MYO1E: variants seen among roughly 807,000 people sequenced by gnomAD.
The protein encoded by MYO1E is unconventional myosin-Ie.
Under a neutral mutation model 151.1 loss-of-function variants are expected in MYO1E, and 68 were observed. The ratio of observed to expected loss-of-function variants is 0.45; its 90% CI spans 0.37 to 0.55. The LOEUF is 0.55. Ranked by LOEUF, MYO1E falls within the 20% of genes least tolerant of loss-of-function variation. The pLI, the probability that MYO1E is intolerant of heterozygous loss-of-function variation, is 0.00. For synonymous variants in MYO1E, 601 were observed against 501.7 expected (o/e 1.20, Z -2.64); for missense variants, 1,363 against 1,389.3 (o/e 0.98, Z 0.30).
At chr15:59,174,261 A>T in intron 19 of MYO1E, 21 bp from the exon 20 acceptor site, 1 of 1,553,234 alleles carries the variant, frequency 6.4e-7, no homozygotes. Context: ...AGAGAAGACA[A>T]ATGTGAGCCA....
At chr15:59,249,051 T>G (rs879839689) in intron 4 of MYO1E, among the ~76,000 whole-genome samples, 2 of 152,158 alleles carry the variant, frequency 1.3e-5, no homozygotes, top group African/African-American at 2.4e-5. Flanking sequence ...CAAATCAAGT[T>G]TGTAGATGGA....
At chr15:59,240,727 C>T (rs1182199806) in intron 4 of MYO1E, among the ~76,000 whole-genome samples, 1 of 152,246 alleles carries the variant, frequency 6.6e-6, no homozygotes, top group African/African-American at 2.4e-5. Flanking sequence ...CTCTGTACCA[C>T]AGGAACTGGT....
intron 1 of MYO1E, among the ~76,000 whole-genome samples, chr15:59,273,851 C>T (rs1002570374): frequency 5.3e-5 from 8 of 152,066 alleles, no homozygotes; most frequent in African/African-American, 1.7e-4. Context: ...GGGTGAGACT[C>T]GCCCCTGCCC....
chr15:59,178,885 TA>T (rs1452881435), intron 18 of MYO1E, among the ~76,000 whole-genome samples: 1 of 152,162 alleles, frequency 6.6e-6, no homozygotes, highest in Non-Finnish European at 1.5e-5. Context: ...CTTGTCTCAA[TA>T]ATCATCTCCC....
At chr15:59,137,539 A>C in intron 27 of MYO1E, 83 bp from the exon 28 acceptor site, 14 of 1,126,622 alleles carry the variant, frequency 1.2e-5, no homozygotes, top group Non-Finnish European at 1.9e-5. Context: ...CCATGGGCTC[A>C]AGTGATTTGG....
intron 14 of MYO1E, chr15:59,207,190 T>C: frequency 1.2e-6 from 2 of 1,614,252 alleles, no homozygotes; most frequent in Admixed American, 1.7e-5. Flanking sequence ...GGGCATGGCC[T>C]GCGCTATCAG....
chr15:59,230,819 TA>T (rs1418341994), intron 6 of MYO1E, among the ~76,000 whole-genome samples: 1 of 152,222 alleles, frequency 6.6e-6, no homozygotes, highest in Non-Finnish European at 1.5e-5. Context: ...AATTCCCACT[TA>T]TTTATTTTAA....
intron 7 of MYO1E, among the ~76,000 whole-genome samples, chr15:59,226,734 G>A (rs2079994017): frequency 6.6e-6 from 1 of 152,220 alleles, no homozygotes; most frequent in Non-Finnish European, 1.5e-5. Context: ...TTGAGCCCAG[G>A]ATGCAGAGGT....
rs532253542 is a variant in MYO1E at position 59,331,506 on chromosome 15, C to G, written c.3+40992G>C. 2.0e-5 allele frequency among the ~76,000 whole-genome samples: 3 copies of G among 152,106 alleles called. No homozygotes were observed. In the East Asian group the frequency reaches 5.8e-4, roughly 29 times the overall value. ...GGAGAGGTAGAACAATATATACAAA[C>G]GGCAAGAAAAAGATCAGATAGACTC... On this transcript the variant is annotated intron_variant, in intron 1 of 27. Transcript: ENST00000288235.
At chr15:59,213,498 C>G (rs1397653203) in intron 12 of MYO1E, among the ~76,000 whole-genome samples, 5 of 151,756 alleles carry the variant, frequency 3.3e-5, no homozygotes, top group South Asian at 2.1e-4. Flanking sequence ...TAGAGTCTTG[C>G]TCTGTTGCCT....
rs79950581 is a variant in MYO1E, at chr15:59,149,920, G to C, written c.3080+3670C>G. On this transcript the variant is annotated intron_variant, in intron 26 of 27. Transcript: ENST00000288235. ...CTAAAATTCCCTGCATGCTTCAACA[G>C]CCTCCTGTGGAATAAATGCAATTCA... is the stretch of plus-strand genomic sequence containing the variant. 3.5e-4 allele frequency among the ~76,000 whole-genome samples: 54 copies of C among 152,304 alleles called. No homozygotes were observed. The East Asian group carries it at 6.9e-3, about 20-fold the overall frequency.
chr15:59,285,310 G>C (rs926902672), intron 1 of MYO1E, among the ~76,000 whole-genome samples: 4 of 149,034 alleles, frequency 2.7e-5, no homozygotes, highest in Non-Finnish European at 5.9e-5. Flanking sequence ...GTAAGGCCAG[G>C]AGTTTGAGAA....
intron 23 of MYO1E, among the ~76,000 whole-genome samples, chr15:59,162,091 C>T (rs530164450): frequency 6.6e-6 from 1 of 152,302 alleles, no homozygotes; most frequent in South Asian, 2.1e-4. Flanking sequence ...GGCTGGCGTG[C>T]AGTGGTGCGG....
chr15:59,331,687 C>T (rs2080698980), intron 1 of MYO1E, among the ~76,000 whole-genome samples: 1 of 152,170 alleles, frequency 6.6e-6, no homozygotes, highest in South Asian at 2.1e-4. Flanking sequence ...TCCCTTCCAC[C>T]ATCTAAATTT....
At chr15:59,206,794 CGCGCAG>C in intron 14 of MYO1E, 1 of 748,586 alleles carries the variant, frequency 1.3e-6, no homozygotes, top group Admixed American at 2.9e-5. Context: ...TGGCAAGGCC[CGCGCAG>C]CCGCAGTAGA....
chr15:59,180,188 C>A (rs369098045), intron 18 of MYO1E, among the ~76,000 whole-genome samples: 12 of 152,314 alleles, frequency 7.9e-5, no homozygotes, highest in African/African-American at 2.6e-4. Flanking sequence ...ATGAAAATGC[C>A]TAGTGGAAGT....
intron 17 of MYO1E, 91 bp from the exon 18 acceptor site, chr15:59,188,307 G>T: frequency 2.1e-6 from 2 of 957,022 alleles, no homozygotes; most frequent in Non-Finnish European, 3.4e-6. Context: ...CCAGTTCCAA[G>T]CTGTAGGGAA....
chr15:59,138,098 G>C (rs2079384243), intron 27 of MYO1E, 100 bp downstream of exon 27: 1 of 1,441,924 alleles, frequency 6.9e-7, no homozygotes. Context: ...ATTGCAGTTT[G>C]AGGAGCCCAT....
chr15:59,332,839 A>C (rs2080705994), intron 1 of MYO1E, among the ~76,000 whole-genome samples: 2 of 152,062 alleles, frequency 1.3e-5, no homozygotes, highest in Non-Finnish European at 2.9e-5. Flanking sequence ...TTGGGATTAC[A>C]GGCATGAGCC....
Sources: allele counts gnomAD v4.1 joint callset (sites outside exome capture counted in the v4.1 genomes callset), GRCh38; gene constraint gnomAD v4.1.1; transcripts MANE v1.5; gene names NCBI Gene and HGNC (gene_info 2026-07-23, HGNC 2026-07-21).